SRGAP2B: variants seen among roughly 807,000 people sequenced by gnomAD.
SRGAP2B encodes the protein SLIT-ROBO Rho GTPase activating protein 2B.
A neutral mutation model predicts 22.2 loss-of-function variants in SRGAP2B; 9 were observed. That is an observed-to-expected ratio of 0.41 (90% CI 0.24 to 0.71). The LOEUF (loss-of-function observed/expected upper bound fraction) is 0.71. SRGAP2B is among the 30% of genes least tolerant of loss of function. SRGAP2B has a pLI of 0.35. For missense variants in SRGAP2B, 114 were observed against 235.8 expected (o/e 0.48, Z 3.38); for synonymous variants, 36 against 87.4 (o/e 0.41, Z 3.28).
chr1:144,925,638 A>AG (rs1664615798), intron 4 of SRGAP2B, among the ~76,000 whole-genome samples: 1 of 135,498 alleles, frequency 7.4e-6, no homozygotes, highest in African/African-American at 3.0e-5. Flanking sequence ...AGCAAGACTC[A>AG]GAAAAAAAAA....
At chr1:145,084,025 G>A (rs1553635058) in intron 2 of SRGAP2B, among the ~76,000 whole-genome samples, 1 of 134,888 alleles carries the variant, frequency 7.4e-6, no homozygotes, top group African/African-American at 2.8e-5. Context: ...AGGAATCCCA[G>A]AAACGTTGGG....
chr1:145,007,417 T>A (rs1159970778), intron 2 of SRGAP2B, among the ~76,000 whole-genome samples: 3 of 150,922 alleles, frequency 2.0e-5, no homozygotes, highest in Non-Finnish European at 4.4e-5. Flanking sequence ...AAATTAAGAA[T>A]CCTCATTCTC....
At chr1:144,972,699 A>T (rs1668613524) in intron 3 of SRGAP2B, among the ~76,000 whole-genome samples, 1 of 148,698 alleles carries the variant, frequency 6.7e-6, no homozygotes, top group Admixed American at 6.7e-5. Context: ...TCTTAAAGCA[A>T]TGTTTTACAA....
chr1:144,998,897 C>T (rs1424645711), intron 2 of SRGAP2B, among the ~76,000 whole-genome samples: 9 of 151,018 alleles, frequency 6.0e-5, no homozygotes, highest in Admixed American at 5.9e-4. Context: ...CGTTCATGCA[C>T]ACAAGGGGCA....
At chr1:144,920,870 G>A (rs1664195045) in intron 4 of SRGAP2B, among the ~76,000 whole-genome samples, 1 of 150,546 alleles carries the variant, frequency 6.6e-6, no homozygotes, top group Non-Finnish European at 1.5e-5. Flanking sequence ...AGTTAGACAG[G>A]AGCTAAAATA....
chr1:144,939,690 T>G (rs1365459160), intron 4 of SRGAP2B, among the ~76,000 whole-genome samples: 19 of 149,444 alleles, frequency 1.3e-4, no homozygotes, highest in South Asian at 2.1e-4. Flanking sequence ...AAGCAATACT[T>G]TTTTTTTTTC....
chr1:145,002,372 T>C (rs1374382975), intron 2 of SRGAP2B, among the ~76,000 whole-genome samples: 1 of 57,686 alleles, frequency 1.7e-5, no homozygotes, highest in Admixed American at 2.0e-4. Context: ...GCCAGCCCTA[T>C]CCCTGGACCT....
chr1:145,007,652 A>C (rs1230880045), intron 2 of SRGAP2B, among the ~76,000 whole-genome samples: 1 of 150,806 alleles, frequency 6.6e-6, no homozygotes, highest in Non-Finnish European at 1.5e-5. Context: ...TGGGCAAATT[A>C]CTTATCTCTC....
At chr1:144,970,571 G>A (rs1254541040) in intron 3 of SRGAP2B, among the ~76,000 whole-genome samples, 16 of 117,648 alleles carry the variant, frequency 1.4e-4, no homozygotes, top group East Asian at 1.3e-3. Flanking sequence ...TGGGTGCAGC[G>A]CACCAGCATG....
intron 2 of SRGAP2B, among the ~76,000 whole-genome samples, chr1:145,005,921 A>C (rs1671557079): frequency 6.7e-6 from 1 of 149,980 alleles, no homozygotes; most frequent in Non-Finnish European, 1.5e-5. Context: ...GGCAATGAGA[A>C]GTCTATCATT....
At chr1:145,083,142 G>A (rs1653075720) in intron 2 of SRGAP2B, among the ~76,000 whole-genome samples, 1 of 145,568 alleles carries the variant, frequency 6.9e-6, no homozygotes, top group Admixed American at 6.7e-5. Flanking sequence ...GGGAGATGCT[G>A]AGGAATCCTG....
intron 4 of SRGAP2B, among the ~76,000 whole-genome samples, chr1:144,932,373 C>T (rs1272492776): frequency 1.3e-5 from 2 of 151,096 alleles, no homozygotes; most frequent in African/African-American, 4.9e-5. Context: ...CTGCCCTTGA[C>T]ACTAATTTAA....
At chr1:144,984,318 C>A (rs192255367) in intron 3 of SRGAP2B, among the ~76,000 whole-genome samples, 2 of 130,028 alleles carry the variant, frequency 1.5e-5, no homozygotes, top group African/African-American at 6.0e-5. Context: ...GAAACTCCAT[C>A]TAAAAAAAAA....
At chr1:145,061,784 G>A (rs1182610300) in intron 2 of SRGAP2B, among the ~76,000 whole-genome samples, 11 of 137,362 alleles carry the variant, frequency 8.0e-5, no homozygotes, top group African/African-American at 2.2e-4. Flanking sequence ...TAGTAGAGAC[G>A]GGGTTTCACC....
chr1:144,966,380 C>T (rs1668084573), intron 3 of SRGAP2B, among the ~76,000 whole-genome samples: 2 of 148,516 alleles, frequency 1.3e-5, no homozygotes. Context: ...AATTTCATAT[C>T]CAGCCAAACT....
chr1:144,951,595 G>A (rs1205440791), intron 4 of SRGAP2B, among the ~76,000 whole-genome samples: 1 of 150,452 alleles, frequency 6.6e-6, no homozygotes, highest in African/African-American at 2.5e-5. Context: ...TACATATAAA[G>A]TGCTTAACAC....
chr1:144,945,105 AC>A (rs1666398017), intron 4 of SRGAP2B, among the ~76,000 whole-genome samples: 1 of 141,896 alleles, frequency 7.0e-6, no homozygotes, highest in African/African-American at 2.8e-5. Context: ...CATACAGAAA[AC>A]AAAAATTTGA....
intron 3 of SRGAP2B, among the ~76,000 whole-genome samples, chr1:144,986,045 G>T (rs1266124950): frequency 7.3e-6 from 1 of 136,910 alleles, no homozygotes; most frequent in East Asian, 2.1e-4. Context: ...TCCAGGGGAG[G>T]AGGTGTCCAA....
intron 2 of SRGAP2B, among the ~76,000 whole-genome samples, chr1:145,000,007 G>A (rs1671018503): frequency 6.7e-6 from 1 of 149,862 alleles, no homozygotes; most frequent in East Asian, 1.9e-4. Context: ...AGCATATTCT[G>A]TTGAGCACCA....
Sources: allele counts gnomAD v4.1 joint callset (sites outside exome capture counted in the v4.1 genomes callset), GRCh38; gene constraint gnomAD v4.1.1; transcripts MANE v1.5; gene names NCBI Gene and HGNC (gene_info 2026-07-23, HGNC 2026-07-21).